Variants in PXDNL observed in about 807,000 individuals in gnomAD.
PXDNL encodes probable oxidoreductase PXDNL.
A neutral mutation model predicts 150.8 loss-of-function variants in PXDNL; 145 were observed. That is an observed-to-expected ratio of 0.96 (90% CI 0.84 to 1.10). The LOEUF (loss-of-function observed/expected upper bound fraction) is 1.10, where lower values mean the gene tolerates loss of function less well. Ranked by LOEUF, PXDNL falls within the 50% of genes least tolerant of loss-of-function variation. PXDNL has a pLI of 0.00. For missense variants in PXDNL, 2,087 were observed against 1,873.9 expected (o/e 1.11, Z -2.10); for synonymous variants, 757 against 725.7 (o/e 1.04, Z -0.69).
At chr8:51,501,554 TCA>T (rs1811178080) in intron 4 of PXDNL, among the ~76,000 whole-genome samples, 1 of 151,542 alleles carries the variant, frequency 6.6e-6, no homozygotes, top group Non-Finnish European at 1.5e-5. Context: ...ACACACAGCA[TCA>T]CACTCAGATA....
intron 17 of PXDNL, among the ~76,000 whole-genome samples, chr8:51,390,495 T>C (rs1024278924): frequency 2.0e-5 from 3 of 152,210 alleles, no homozygotes; most frequent in Non-Finnish European, 4.4e-5. Flanking sequence ...ATGAAATAAG[T>C]ACAAATATTA....
intron 19 of PXDNL, among the ~76,000 whole-genome samples, chr8:51,363,487 T>C (rs922809637): frequency 6.6e-6 from 1 of 152,012 alleles, no homozygotes; most frequent in Non-Finnish European, 1.5e-5. Flanking sequence ...GGGTAGTGAT[T>C]GATTGAGCAA....
intron 2 of PXDNL, among the ~76,000 whole-genome samples, chr8:51,607,457 C>T (rs1308010314): frequency 1.3e-5 from 2 of 152,268 alleles, no homozygotes; most frequent in East Asian, 3.9e-4. Context: ...CAATTTTCTA[C>T]CCCCACTGCC....
chr8:51,740,661 A>G (rs899831003), intron 1 of PXDNL, among the ~76,000 whole-genome samples: 1 of 151,514 alleles, frequency 6.6e-6, no homozygotes, highest in Non-Finnish European at 1.5e-5. Context: ...TCCTTTGCCC[A>G]CTTTTTAATG....
At chr8:51,334,035 T>C (rs577127284) in intron 21 of PXDNL, among the ~76,000 whole-genome samples, 4 of 149,718 alleles carry the variant, frequency 2.7e-5, no homozygotes, top group South Asian at 2.1e-4. Flanking sequence ...CAACAGCCCA[T>C]GGAACTTTCT....
At chr8:51,410,707 C>T (rs1290752155) in intron 16 of PXDNL, among the ~76,000 whole-genome samples, 1 of 152,090 alleles carries the variant, frequency 6.6e-6, no homozygotes, top group Non-Finnish European at 1.5e-5. Flanking sequence ...AATCTGAAAG[C>T]TTTCTATATC....
chr8:51,476,988 TA>T (rs747702390), intron 6 of PXDNL, among the ~76,000 whole-genome samples: 1 of 152,002 alleles, frequency 6.6e-6, no homozygotes, highest in African/African-American at 2.4e-5. Flanking sequence ...AATTTGCAAA[TA>T]AAAAAATCAC....
intron 7 of PXDNL, 124 bp downstream of exon 7, chr8:51,474,848 C>T: frequency 3.8e-6 from 3 of 786,806 alleles, no homozygotes; most frequent in African/African-American, 1.7e-5. Flanking sequence ...ACTTTTACCA[C>T]ATTCCTTAAA....
chr8:51,801,587 T>C (rs1358288478), intron 1 of PXDNL, among the ~76,000 whole-genome samples: 3 of 152,178 alleles, frequency 2.0e-5, no homozygotes, highest in African/African-American at 7.2e-5. Flanking sequence ...CTTTGCACTC[T>C]TTCTCTTTAT....
intron 1 of PXDNL, among the ~76,000 whole-genome samples, chr8:51,805,314 CAT>C (rs1330655929): frequency 6.7e-6 from 1 of 148,922 alleles, no homozygotes; most frequent in South Asian, 2.1e-4. Flanking sequence ...TTTATATATA[CAT>C]ATATATATTT....
chr8:51,684,230 C>A lies in PXDNL; in HGVS notation c.165-29470G>T, dbSNP rs578233394. On this transcript the variant is annotated intron_variant, in intron 1 of 22. Coordinates refer to ENST00000356297, the MANE Select transcript of PXDNL (RefSeq NM_144651.5). ...TCACAGATCTCACATAATCTCTTTGCAACTGATCCACTGTCAAGGCCAAAG... is the reference window on the plus strand; with the variant it reads ...TCACAGATCTCACATAATCTCTTTGAAACTGATCCACTGTCAAGGCCAAAG... Among the ~76,000 whole-genome samples, 4 of 152,310 alleles carry A rather than the reference C, an allele frequency of 2.6e-5. No individual in the cohort carries two copies. The East Asian group carries it at 7.7e-4, about 29-fold the overall frequency.
chr8:51,582,806 A>C (rs1813237066), intron 3 of PXDNL, among the ~76,000 whole-genome samples: 1 of 152,116 alleles, frequency 6.6e-6, no homozygotes, highest in Admixed American at 6.5e-5. Context: ...GAATGACCAC[A>C]TGCTTGACTT....
chr8:51,656,014 A>C (rs1388112678), intron 1 of PXDNL, among the ~76,000 whole-genome samples: 1 of 152,222 alleles, frequency 6.6e-6, no homozygotes, highest in Non-Finnish European at 1.5e-5. Context: ...CTCTAACGCA[A>C]GGAGTATAGA....
chr8:51,417,163 A>C (rs902758094), intron 14 of PXDNL, among the ~76,000 whole-genome samples: 15 of 152,240 alleles, frequency 9.9e-5, no homozygotes, highest in Non-Finnish European at 4.4e-5. Flanking sequence ...GGAATAGAAC[A>C]ATCAGAAAAT....
chr8:51,799,979 T>C (rs945685673), intron 1 of PXDNL, among the ~76,000 whole-genome samples: 1 of 152,184 alleles, frequency 6.6e-6, no homozygotes, highest in African/African-American at 2.4e-5. Context: ...TCCCTAGAAA[T>C]TTTTGTCTTT....
rs144984638 is a variant in PXDNL at position 51,672,852 on chromosome 8, C to T, written c.165-18092G>A. Among the ~76,000 whole-genome samples, 87 of 152,150 alleles carry T rather than the reference C, an allele frequency of 5.7e-4. 1 individual carries two copies. The East Asian group carries it at 0.013, about 23-fold the overall frequency. On this transcript the variant is annotated intron_variant, in intron 1 of 22. Coordinates refer to ENST00000356297, the MANE Select transcript of PXDNL (RefSeq NM_144651.5). Reference sequence around the variant, plus strand: ...TGAAAAGAACTAAGAAAATAGGATACTGTATTATCAGACTATAGAAGAAAA... The same window carrying T: ...TGAAAAGAACTAAGAAAATAGGATATTGTATTATCAGACTATAGAAGAAAA...
intron 14 of PXDNL, among the ~76,000 whole-genome samples, chr8:51,421,069 A>T (rs1808938806): frequency 6.6e-6 from 1 of 152,146 alleles, no homozygotes; most frequent in Non-Finnish European, 1.5e-5. Context: ...TGTGTTGGAG[A>T]TTCTGAAATG....
At chr8:51,449,787 C>G (rs1388776788) in intron 10 of PXDNL, among the ~76,000 whole-genome samples, 1 of 152,170 alleles carries the variant, frequency 6.6e-6, no homozygotes, top group African/African-American at 2.4e-5. Flanking sequence ...CCAGTAACGC[C>G]TAAGTGATCA....
rs762945296 is a variant in PXDNL, at chr8:51,453,116, T to C, written c.1249+403A>G. Among the ~76,000 whole-genome samples, 2 of 152,388 alleles carry C rather than the reference T, an allele frequency of 1.3e-5. 1 individual carries two copies. The highest frequency in any genetic ancestry group is 4.1e-4 in the South Asian group (2 of 4,834). ...GCTGTTGTTACGCAGTCTGGCCTCG[T>C]AGGAGCCTTCAGCATGTCCTCAAGC... On this transcript the variant is annotated intron_variant, in intron 10 of 22. Transcript: ENST00000356297.
Sources: gnomAD v4.1 joint callset for allele counts (sites outside exome capture counted in the v4.1 genomes callset) on GRCh38, gnomAD v4.1.1 for gene constraint, MANE v1.5 for transcripts, NCBI Gene and HGNC (gene_info 2026-07-23, HGNC 2026-07-21) for gene names.